The following CDKAL1 variants were observed in gnomAD, a reference collection of about 807,000 sequenced individuals.
CDKAL1 encodes CDKAL1 threonylcarbamoyladenosine tRNA methylthiotransferase, also known as threonylcarbamoyladenosine tRNA methylthiotransferase.
A neutral mutation model predicts 68.2 loss-of-function variants in CDKAL1; 32 were observed. That is an observed-to-expected ratio of 0.47 (90% confidence interval 0.35 to 0.63). The LOEUF is 0.63. Among genes scored for constraint, CDKAL1 ranks in the 30% least tolerant of loss-of-function variants. The pLI, the probability that CDKAL1 is intolerant of heterozygous loss-of-function variation, is 0.00. For synonymous variants in CDKAL1, 234 were observed against 244.3 expected, an observed-to-expected ratio of 0.96 and a Z score of 0.39; for missense variants, 606 against 696.7, an observed-to-expected ratio of 0.87 and a Z score of 1.47.
At chr6:20,830,273 C>T (rs569751520) in intron 8 of CDKAL1, among the ~76,000 whole-genome samples, 1 of 152,280 alleles carries the variant, frequency 6.6e-6, no homozygotes, top group African/African-American at 2.4e-5. Context: ...AGACATATGA[C>T]TCTCTTTTCC....
intron 11 of CDKAL1, among the ~76,000 whole-genome samples, chr6:21,001,055 G>A (rs1035061389): frequency 6.6e-6 from 1 of 152,172 alleles, no homozygotes; most frequent in Non-Finnish European, 1.5e-5. Context: ...GATTATGCTA[G>A]GCAGGAAATG....
At chr6:21,177,288 C>T (rs766010778) in intron 13 of CDKAL1, among the ~76,000 whole-genome samples, 7 of 152,038 alleles carry the variant, frequency 4.6e-5, no homozygotes, top group Non-Finnish European at 8.8e-5. Flanking sequence ...TACATTGGCT[C>T]ATTTCCATTT....
At chr6:21,027,908 G>A (rs995355056) in intron 11 of CDKAL1, among the ~76,000 whole-genome samples, 5 of 152,282 alleles carry the variant, frequency 3.3e-5, no homozygotes, top group Admixed American at 6.5e-5. Context: ...AAGAGCCTGT[G>A]CAGAGTCAGC....
Position 21,225,191 on chromosome 6 carries a change from G to A in CDKAL1, c.1549-5657G>A, listed in dbSNP as rs866496616. On this transcript the variant is annotated intron_variant, in intron 15 of 15. Transcript: ENST00000274695. ...GCTGACAAGACGAGCAGGCCCACAC[G>A]GGGTGGGCAGTGGTTGAGAGAGGTT... is the stretch of plus-strand genomic sequence containing the variant. Among the ~76,000 whole-genome samples the A allele has an allele frequency of 2.0e-5, 3 of 152,240 alleles. 1 individual carries two copies. Among genetic ancestry groups the A allele is most frequent in the Middle Eastern group, 6.8e-3 (2 of 294 alleles).
intron 9 of CDKAL1, among the ~76,000 whole-genome samples, chr6:20,886,097 A>G (rs1761055333): frequency 6.6e-6 from 1 of 152,218 alleles, no homozygotes; most frequent in Non-Finnish European, 1.5e-5. Flanking sequence ...AAAATGGACA[A>G]AAGATTTGAA....
chr6:20,914,872 C>T (rs186904934), intron 9 of CDKAL1, among the ~76,000 whole-genome samples: 265 of 152,222 alleles, frequency 1.7e-3, no homozygotes, highest in Non-Finnish European at 3.0e-3. Flanking sequence ...TCAGTTGTAT[C>T]ACTAAGGTAT....
chr6:20,972,024 C>CA (rs1206931717), intron 10 of CDKAL1, among the ~76,000 whole-genome samples: 1 of 152,162 alleles, frequency 6.6e-6, no homozygotes, highest in Non-Finnish European at 1.5e-5. Flanking sequence ...AATCCTAAGT[C>CA]AGAGAGGCCT....
intron 10 of CDKAL1, 93 bp from the exon 11 acceptor site, chr6:21,000,134 T>C: frequency 1.1e-6 from 1 of 891,524 alleles, no homozygotes. Context: ...TCAGCTAGTA[T>C]GTTTATTTGC....
chr6:20,993,485 C>T (rs541512336), intron 10 of CDKAL1: 1 of 152,254 alleles, frequency 6.6e-6, no homozygotes, highest in East Asian at 1.9e-4. Context: ...CAAGTGTCAA[C>T]ATATTCTTCA....
intron 9 of CDKAL1, among the ~76,000 whole-genome samples, chr6:20,867,458 C>T (rs1010651872): frequency 9.9e-5 from 15 of 152,120 alleles, no homozygotes; most frequent in South Asian, 4.1e-4. Flanking sequence ...TCAAAAAACA[C>T]GATTTATGTT....
Position 21,065,189 on chromosome 6 carries a change from A to T in CDKAL1, c.1197A>T (p.Gly399=). The T allele has an allele frequency of 1.2e-6, 2 of 1,610,474 alleles. No individual in the cohort carries two copies. Among genetic ancestry groups the T allele is most frequent in the Non-Finnish European group, 1.7e-6 (2 of 1,178,990 alleles). The stretch of plus-strand genomic sequence containing the variant: ...TTAACCAATTTTACCCAAGACCAGG[A>T]ACTCCTGCTGCAAAAATGGAACAAG... ...LFINQFYPRP[G]TPAAKMEQVP... The change falls in exon 12 of 16, where the codon GGA becomes GGT. Residue 399 remains glycine, a synonymous_variant. Coordinates refer to ENST00000274695, the MANE Select transcript of CDKAL1 (RefSeq NM_017774.3).
chr6:20,800,959 C>A lies in CDKAL1; in HGVS notation c.638+19694C>A, dbSNP rs368114531. Among the ~76,000 whole-genome samples, 248 of 152,188 alleles carry A rather than the reference C, an allele frequency of 1.6e-3. 7 individuals are homozygous for A. In the South Asian group the frequency reaches 0.049, roughly 30 times the overall value. ...GGGTAAACAGGTCTTGCCCTGTCAT[C>A]CAGGCTGGAGCATGATGGTGCTTTC... is the stretch of plus-strand genomic sequence containing the variant. On this transcript the variant is annotated intron_variant, in intron 8 of 15. Transcript: ENST00000274695.
At position 20,875,305 on chromosome 6, in the gene CDKAL1, C is replaced by CA. The variant is rs58717424; in HGVS notation, c.742+29153dup. Among the ~76,000 whole-genome samples the CA allele has an allele frequency of 1.0e-3, 74 of 71,204 alleles. 6 individuals carry two copies. Among genetic ancestry groups the CA allele is most frequent in the African/African-American group, 3.1e-3 (50 of 16,320 alleles). 46.7% of individuals were successfully genotyped at this position (71,204 alleles called of 152,430 possible). On this transcript the variant is annotated intron_variant, in intron 9 of 15. Coordinates refer to ENST00000274695, the MANE Select transcript of CDKAL1 (RefSeq NM_017774.3). ...TGGGCGACAGAGCGAGACTCCGTCTCAAAAAAAAAAAAAAAAAAAAAAAAA... is the reference window on the plus strand; with the variant it reads ...TGGGCGACAGAGCGAGACTCCGTCTCAAAAAAAAAAAAAAAAAAAAAAAAAA...
chr6:20,538,377 T>C (rs1013733341), intron 2 of CDKAL1, among the ~76,000 whole-genome samples: 2 of 152,210 alleles, frequency 1.3e-5, no homozygotes, highest in African/African-American at 4.8e-5. Flanking sequence ...GGCAAAGCCA[T>C]AGTGGGAAGA....
At chr6:21,180,789 G>A (rs965899321) in intron 13 of CDKAL1, among the ~76,000 whole-genome samples, 1 of 151,998 alleles carries the variant, frequency 6.6e-6, no homozygotes, top group Non-Finnish European at 1.5e-5. Flanking sequence ...GGTAAGAAAA[G>A]AACTGTTTAT....
At chr6:20,807,547 G>T (rs1357946334) in intron 8 of CDKAL1, among the ~76,000 whole-genome samples, 1 of 152,096 alleles carries the variant, frequency 6.6e-6, no homozygotes, top group Non-Finnish European at 1.5e-5. Context: ...GAAAAGAACT[G>T]CCCTTCTCTA....
At chr6:21,060,993 T>C (rs1328322546) in intron 11 of CDKAL1, among the ~76,000 whole-genome samples, 1 of 152,208 alleles carries the variant, frequency 6.6e-6, no homozygotes, top group Non-Finnish European at 1.5e-5. Flanking sequence ...TTATTTTCCA[T>C]ATTTTTGCCA....
At chr6:20,836,293 T>C (rs1446144244) in intron 8 of CDKAL1, among the ~76,000 whole-genome samples, 1 of 152,226 alleles carries the variant, frequency 6.6e-6, no homozygotes, top group Non-Finnish European at 1.5e-5. Flanking sequence ...ACCAAAAATA[T>C]AATGTTTGCA....
intron 5 of CDKAL1, among the ~76,000 whole-genome samples, chr6:20,706,729 C>G (rs78216339): frequency 0.05 from 7,659 of 152,218 alleles, 225 homozygotes; most frequent in Middle Eastern, 0.086. Flanking sequence ...ACCTGCTGCT[C>G]TCTTTATGAT....
Sources: allele counts gnomAD v4.1 joint callset (sites outside exome capture counted in the v4.1 genomes callset), GRCh38; gene constraint gnomAD v4.1.1; transcripts MANE v1.5; gene names NCBI Gene and HGNC (gene_info 2026-07-23, HGNC 2026-07-21).